The following RAP1GAP variants were observed in gnomAD, a reference collection of about 807,000 sequenced individuals.
The protein encoded by RAP1GAP is rap1 GTPase-activating protein 1.
Under a neutral mutation model 87.2 loss-of-function variants are expected in RAP1GAP, and 35 were observed. The ratio of observed to expected loss-of-function variants is 0.40; its 90% CI spans 0.31 to 0.53. The LOEUF (loss-of-function observed/expected upper bound fraction) is 0.53, where lower values mean the gene tolerates loss of function less well. RAP1GAP is among the 20% of genes least tolerant of loss of function. RAP1GAP has a pLI of 0.48. For synonymous variants in RAP1GAP, 375 were observed against 363.9 expected, an observed-to-expected ratio of 1.03 and a Z score of -0.35; for missense variants, 734 against 898.9, an observed-to-expected ratio of 0.82 and a Z score of 2.35.
chr1:21,644,200 C>T (rs2095809618), intron 2 of RAP1GAP, among the ~76,000 whole-genome samples: 1 of 152,208 alleles, frequency 6.6e-6, no homozygotes, highest in Admixed American at 6.5e-5. Context: ...CTCATCCCTG[C>T]CTCAGAGCCT....
At chr1:21,632,330 TAAC>T (rs2093925128) in intron 2 of RAP1GAP, among the ~76,000 whole-genome samples, 1 of 152,128 alleles carries the variant, frequency 6.6e-6, no homozygotes, top group Non-Finnish European at 1.5e-5. Context: ...TGCATCGAGG[TAAC>T]AATAATAATC....
At chr1:21,653,543 A>ACTTCTTC (rs2096717689) in intron 1 of RAP1GAP, among the ~76,000 whole-genome samples, 2 of 124,072 alleles carry the variant, frequency 1.6e-5, no homozygotes, top group Non-Finnish European at 3.5e-5. Context: ...GAAGGGAGGA[A>ACTTCTTC]CTTCCTTCCT....
At position 21,603,460 on chromosome 1, in the gene RAP1GAP, A is replaced by C. The variant is rs2070930513; in HGVS notation, c.1429-547T>G. 1.7e-6 allele frequency: 1 copy of C among 586,460 alleles called. No individual in the cohort carries two copies. Among genetic ancestry groups the C allele is most frequent in the East Asian group, 2.8e-5 (1 of 35,286 alleles). The allele number at this position is 586,460 out of a possible 1,614,324, so 36.3% of individuals were successfully genotyped here. On this transcript the variant is annotated intron_variant, in intron 18 of 24. Coordinates refer to ENST00000374765, the MANE Select transcript of RAP1GAP (RefSeq NM_002885.4). The surrounding 1 kb of genome is among the most constrained non-coding windows in gnomAD (Gnocchi z 6.0). ...TGGAGGCAGGAAGGGGTAGGACCCC[A>C]GGTCACTTCGTGGCGGGGAGGAGGA... is the stretch of plus-strand genomic sequence containing the variant.
intron 1 of RAP1GAP, among the ~76,000 whole-genome samples, chr1:21,652,771 A>G (rs1405978602): frequency 6.6e-6 from 1 of 152,008 alleles, no homozygotes; most frequent in East Asian, 1.9e-4. Context: ...TCCCCCACCC[A>G]AGTGGAGCTG....
intron 7 of RAP1GAP, 107 bp downstream of exon 7, chr1:21,617,199 G>A: frequency 7.6e-7 from 1 of 1,315,352 alleles, no homozygotes; most frequent in African/African-American, 1.5e-5. Context: ...CTCTAGGACT[G>A]TCACCCAGCC....
At chr1:21,627,768 C>T (rs1409045526) in intron 2 of RAP1GAP, among the ~76,000 whole-genome samples, 4 of 152,108 alleles carry the variant, frequency 2.6e-5, no homozygotes, top group Non-Finnish European at 5.9e-5. Flanking sequence ...GAGAAATGGC[C>T]CGGAGGAACC....
chr1:21,610,562 T>A (rs917977658), intron 13 of RAP1GAP, among the ~76,000 whole-genome samples: 2 of 152,224 alleles, frequency 1.3e-5, no homozygotes, highest in Non-Finnish European at 2.9e-5. Context: ...CCTGGATATC[T>A]ATTGAAATTA....
At position 21,608,325 on chromosome 1, in the gene RAP1GAP, T is replaced by G. The variant is rs148140076; in HGVS notation, c.1184A>C (p.Glu395Ala). ...LEERTRAALL[E>A]TLYEELHIHS... ...GATGTGTAGTTCCTCATAGAGCGTC[T>G]CCAGGAGGGCGGCCCGCGTCCGCTC... The change falls in exon 17 of 25, where the codon GAG (glutamate) becomes GCG (alanine). Residue 395 changes from glutamate to alanine, a missense_variant. By Grantham distance (107) the Glu-to-Ala change is moderately radical. Coordinates refer to ENST00000374765, the MANE Select transcript of RAP1GAP (RefSeq NM_002885.4). The G allele has an allele frequency of 6.2e-7, 1 of 1,613,498 alleles. No individual in the cohort carries two copies. The highest frequency in any genetic ancestry group is 2.2e-5 in the East Asian group (1 of 44,868).
At chr1:21,611,064 A>G (rs1317728290) in intron 13 of RAP1GAP, among the ~76,000 whole-genome samples, 1 of 152,056 alleles carries the variant, frequency 6.6e-6, no homozygotes, top group Non-Finnish European at 1.5e-5. Context: ...CAGCTCCTTC[A>G]CGGACTAAAA....
chr1:21,633,682 A>G (rs975589361), intron 2 of RAP1GAP, among the ~76,000 whole-genome samples: 1 of 152,138 alleles, frequency 6.6e-6, no homozygotes, highest in Non-Finnish European at 1.5e-5. Context: ...CAGGGAGCCA[A>G]TGAATACAGG....
intron 1 of RAP1GAP, among the ~76,000 whole-genome samples, chr1:21,653,531 G>A (rs1272987561): frequency 6.7e-6 from 1 of 148,340 alleles, no homozygotes; most frequent in Non-Finnish European, 1.5e-5. Context: ...AAGTTTGCCT[G>A]AGAAGGGAGG....
At chr1:21,604,140 GGACA>G (rs1196270153) in intron 18 of RAP1GAP, among the ~76,000 whole-genome samples, 1 of 151,992 alleles carries the variant, frequency 6.6e-6, no homozygotes. Flanking sequence ...GGGGAGAGAT[GGACA>G]GACAGTTACC....
At position 21,617,353 on chromosome 1, in the gene RAP1GAP, C is replaced by G. The variant is rs771983527; in HGVS notation, c.244G>C (p.Glu82Gln). The change falls in exon 7 of 25, where the codon GAG becomes CAG. Residue 82 changes from glutamate (E) to glutamine (Q), a missense_variant. This residue lies in a region of RAP1GAP where 485 missense variants were observed against 646.2 expected (regional missense o/e 0.75). Coordinates refer to ENST00000374765, the MANE Select transcript of RAP1GAP (RefSeq NM_002885.4). ...TAGATGCGGGCTGTGGGGTTGCACTCGAGCTTCACCTTGGTTGTGGGCGAC... is the reference window on the plus strand; with the variant it reads ...TAGATGCGGGCTGTGGGGTTGCACTGGAGCTTCACCTTGGTTGTGGGCGAC... ...LQSPTTKVKL[E>Q]CNPTARIYRK... is the part of the protein sequence containing the mutation. 4.4e-6 allele frequency: 7 copies of G among 1,597,304 alleles called. No individual in the cohort carries two copies. Among genetic ancestry groups the G allele is most frequent in the Non-Finnish European group, 6.0e-6 (7 of 1,172,026 alleles).
At chr1:21,646,929 A>G (rs2096108330) in intron 2 of RAP1GAP, among the ~76,000 whole-genome samples, 1 of 152,108 alleles carries the variant, frequency 6.6e-6, no homozygotes, top group African/African-American at 2.4e-5. Context: ...CCATGATCAC[A>G]TCTGGCCTCT....
chr1:21,653,551 C>CCTTG (rs1558896181), intron 1 of RAP1GAP, among the ~76,000 whole-genome samples: 1 of 105,266 alleles, frequency 9.5e-6, no homozygotes, highest in African/African-American at 3.9e-5. Context: ...GAACTTCCTT[C>CCTTG]CTTCCTTCCT....
At chr1:21,649,430 G>T (rs2035449) in intron 2 of RAP1GAP, among the ~76,000 whole-genome samples, 111,287 of 152,042 alleles carry the variant, frequency 0.73, 40,820 homozygotes, top group Middle Eastern at 0.81. Context: ...CCAGTTTTTG[G>T]TTTTGTTCTT....
rs2097498549 is a variant in RAP1GAP, at chr1:21,669,142, A to ACCCTCCGTCCCCG, written c.-149+99_-149+111dup. 1 of 1,108,870 alleles carries ACCCTCCGTCCCCG rather than the reference A, an allele frequency of 9.0e-7. No homozygotes were observed. The highest frequency in any genetic ancestry group is 1.8e-5 in the African/African-American group (1 of 55,212). 68.7% of individuals were successfully genotyped at this position (1,108,870 alleles called of 1,614,324 possible). ...CCGGGTCCCCCACGCGTTCGCCCCC[A>ACCCTCCGTCCCCG]CCCTCCGTCCCCGCCCGCCCGCGCG... On this transcript the variant is annotated intron_variant, in intron 1 of 24. Transcript: ENST00000374765. The surrounding 1 kb of genome is among the most constrained non-coding windows in gnomAD (Gnocchi z 5.6).
chr1:21,606,232 T>A (rs1169986920), intron 17 of RAP1GAP, 35 bp from the exon 18 acceptor site: 1 of 1,557,372 alleles, frequency 6.4e-7, no homozygotes, highest in Admixed American at 1.9e-5. Flanking sequence ...AGGCACAGGA[T>A]TCCTAAGGGC....
Position 21,601,810 on chromosome 1 carries a change from C to G in RAP1GAP, c.1539-13G>C, listed in dbSNP as rs753716790. 3.9e-6 allele frequency: 6 copies of G among 1,549,044 alleles called. No homozygotes were observed. The highest frequency in any genetic ancestry group is 5.3e-6 in the Non-Finnish European group (6 of 1,137,372). On this transcript the variant is annotated splice_polypyrimidine_tract_variant and intron_variant, in intron 19 of 24. Transcript: ENST00000374765. ...CGGAGGGCTCTCCCTGCGGGGCACA[C>G]GGGGGCAGCGGGGGGATTCAGCACC...
Sources: gnomAD v4.1 joint callset for allele counts (sites outside exome capture counted in the v4.1 genomes callset) on GRCh38, gnomAD v4.1.1 for gene constraint, gnomAD v4.1.1 regional missense constraint, Gnocchi (gnomAD v3.1) non-coding constraint, MANE v1.5 for transcripts, NCBI Gene and HGNC (gene_info 2026-07-23, HGNC 2026-07-21) for gene names.